The following ANGPT2 variants were observed in gnomAD, a reference collection of about 807,000 sequenced individuals.
ANGPT2 encodes angiopoietin 2, also known as angiopoietin-2.
In ANGPT2, 28 loss-of-function variants were observed where a neutral mutation model predicts 62.9. That is an observed-to-expected ratio of 0.44 (90% confidence interval 0.33 to 0.61). The LOEUF is 0.61. Among genes scored for constraint, ANGPT2 ranks in the 20% least tolerant of loss-of-function variants. ANGPT2 has a pLI of 0.03. For missense variants in ANGPT2, 727 were observed against 594.9 expected (o/e 1.22, Z -2.31); for synonymous variants, 284 against 207.8 (o/e 1.37, Z -3.15).
chr8:6,551,830 G>T (rs1217910849), intron 1 of ANGPT2, among the ~76,000 whole-genome samples: 1 of 152,134 alleles, frequency 6.6e-6, no homozygotes, highest in African/African-American at 2.4e-5. Flanking sequence ...ATACAATAAC[G>T]TACTTTCTCG....
intron 5 of ANGPT2, among the ~76,000 whole-genome samples, chr8:6,515,468 C>T (rs1272669954): frequency 2.0e-5 from 3 of 152,176 alleles, no homozygotes; most frequent in African/African-American, 7.2e-5. Context: ...GCTCACTGCC[C>T]ACAGTTTTTC....
chr8:6,523,659 A>G (rs1817778389), intron 3 of ANGPT2, among the ~76,000 whole-genome samples: 1 of 152,050 alleles, frequency 6.6e-6, no homozygotes, highest in Admixed American at 6.5e-5. Flanking sequence ...GCGCGATCTC[A>G]GCTCGCTGCA....
rs185700754 is a variant in ANGPT2, at chr8:6,500,513, T to C, written c.*2588A>G. The C allele has an allele frequency of 5.2e-5, 8 of 154,294 alleles. No individual in the cohort carries two copies. Among genetic ancestry groups the C allele is most frequent in the Admixed American group, 4.5e-4 (7 of 15,628 alleles). 9.6% of individuals were successfully genotyped at this position (154,294 alleles called of 1,614,324 possible). ...TGTCACAGTTTATTCATTCAAAAGA[T>C]TAATAGCTGAAAGATAAATGGTGAT... On this transcript the variant is annotated 3_prime_UTR_variant, in exon 9 of 9. Transcript: ENST00000629816.
rs191817175 is a variant in ANGPT2 at position 6,537,753 on chromosome 8, T to A, written c.289-5266A>T. ...TCACCAAGATTGTCATCATTATTTT[T>A]TATACCAAAAGAAAAGTAATCTTGA... is the stretch of plus-strand genomic sequence containing the variant. On this transcript the variant is annotated intron_variant, in intron 1 of 8. Transcript: ENST00000629816. Among the ~76,000 whole-genome samples, 288 of 152,240 alleles carry A rather than the reference T, an allele frequency of 1.9e-3. 3 individuals carry two copies. Among genetic ancestry groups the A allele is most frequent in the African/African-American group, 6.7e-3 (279 of 41,544 alleles).
intron 2 of ANGPT2, among the ~76,000 whole-genome samples, chr8:6,529,031 GT>G (rs1388156692): frequency 3.9e-4 from 60 of 152,322 alleles, no homozygotes; most frequent in African/African-American, 1.4e-3. Context: ...CTGGAAAATT[GT>G]GTCCTGTTTA....
Position 6,513,683 on chromosome 8 carries a change from A to G in ANGPT2, c.1191T>C (p.Asn397=). The change falls in exon 7 of 9, where the codon AAT becomes AAC. Residue 397 remains asparagine (N), a synonymous_variant. Coordinates refer to ENST00000629816, the MANE Select transcript of ANGPT2 (RefSeq NM_001118887.2). ...EHFYLSSEEL[N]YRIHLKGLTG... Reference sequence around the variant, plus strand: ...ATTACCATGAACTCACTTACCTATAATTGAGTTCTTCACTTGAGAGATAGA... The same window carrying G: ...ATTACCATGAACTCACTTACCTATAGTTGAGTTCTTCACTTGAGAGATAGA... The G allele has an allele frequency of 6.2e-7, 1 of 1,609,234 alleles. No individual in the cohort carries two copies. Among genetic ancestry groups the G allele is most frequent in the Non-Finnish European group, 8.5e-7 (1 of 1,178,564 alleles).
At chr8:6,561,832 G>T (rs1454925798) in intron 1 of ANGPT2, among the ~76,000 whole-genome samples, 1 of 152,072 alleles carries the variant, frequency 6.6e-6, no homozygotes, top group Non-Finnish European at 1.5e-5. Context: ...TCCTATTTTG[G>T]TTACGTCTCC....
intron 5 of ANGPT2, 106 bp from the exon 6 acceptor site, chr8:6,514,884 G>A: frequency 1.1e-6 from 1 of 884,194 alleles, no homozygotes; most frequent in Non-Finnish European, 1.8e-6. Context: ...CAGCCGAGAG[G>A]GTTCTCTGGG....
intron 1 of ANGPT2, among the ~76,000 whole-genome samples, chr8:6,541,438 A>G (rs1373239133): frequency 6.6e-6 from 1 of 152,110 alleles, no homozygotes; most frequent in East Asian, 1.9e-4. Context: ...GTGCTCTGAG[A>G]AAGACAATAT....
intron 1 of ANGPT2, among the ~76,000 whole-genome samples, chr8:6,562,095 G>A (rs991002425): frequency 5.3e-5 from 8 of 152,172 alleles, no homozygotes; most frequent in African/African-American, 1.9e-4. Context: ...GAAACATAAG[G>A]TCTGCTTTAT....
chr8:6,525,084 T>C (rs1818082188), intron 3 of ANGPT2, among the ~76,000 whole-genome samples: 1 of 152,250 alleles, frequency 6.6e-6, no homozygotes, highest in Admixed American at 6.5e-5. Context: ...TAAATCCACC[T>C]TTTTTTGACA....
chr8:6,521,124 G>C, intron 4 of ANGPT2, 54 bp downstream of exon 4: 1 of 1,466,350 alleles, frequency 6.8e-7, no homozygotes, highest in South Asian at 1.2e-5. Context: ...TCTTTTGAGT[G>C]TTTTACTGAC....
chr8:6,532,093 A>T (rs576200572), intron 2 of ANGPT2, among the ~76,000 whole-genome samples: 1 of 152,318 alleles, frequency 6.6e-6, no homozygotes, highest in East Asian at 1.9e-4. Flanking sequence ...AAAATGACTC[A>T]CATGTCTTCA....
Position 6,507,509 on chromosome 8 carries a change from G to A in ANGPT2, c.1327+1423C>T, listed in dbSNP as rs536617643. 3 of 151,292 alleles carry A rather than the reference G, an allele frequency of 2.0e-5. No homozygotes were observed. In the South Asian group the frequency reaches 6.3e-4, roughly 32 times the overall value. The allele number at this position is 151,292 out of a possible 1,614,324, so 9.4% of individuals were successfully genotyped here. ...TTTTTCTTGTCTCAGTCACTAAGTA[G>A]CGTTTGTTCCTGTCAGTGAATTTCT... On this transcript the variant is annotated intron_variant, in intron 8 of 8. Transcript: ENST00000629816.
intron 8 of ANGPT2, chr8:6,508,153 T>A (rs895079379): frequency 7.9e-5 from 12 of 152,216 alleles, no homozygotes; most frequent in African/African-American, 2.9e-4. Context: ...GAATCTTTTT[T>A]AAAAAGACAG....
intron 2 of ANGPT2, 126 bp from the exon 3 acceptor site, chr8:6,527,802 A>G (rs1051198593): frequency 5.5e-6 from 5 of 912,664 alleles, no homozygotes; most frequent in African/African-American, 5.1e-5. Context: ...TAACCCAAGT[A>G]TCTTATTTTG....
At chr8:6,506,280 C>T (rs1813712795) in intron 8 of ANGPT2, among the ~76,000 whole-genome samples, 1 of 151,920 alleles carries the variant, frequency 6.6e-6, no homozygotes, top group Non-Finnish European at 1.5e-5. Flanking sequence ...AATGGAGCTG[C>T]TCATTAGGCT....
chr8:6,540,991 G>T lies in ANGPT2; in HGVS notation c.289-8504C>A, dbSNP rs569887039. Among the ~76,000 whole-genome samples, 3 of 152,186 alleles carry T rather than the reference G, an allele frequency of 2.0e-5. No individual in the cohort carries two copies. The East Asian group carries it at 5.8e-4, about 30-fold the overall frequency. ...CCAGGGGGCAGGTGGAGCCTAGTGG[G>T]CATTCATGACCCAGGTTTTGGAGCT... On this transcript the variant is annotated intron_variant, in intron 1 of 8. Transcript: ENST00000629816.
rs116832859 is a variant in ANGPT2, at chr8:6,531,215, A to G, written c.444+1117T>C. ...GGTCACATGTTGTGCATCATTTAGC[A>G]TGTCTCTCGGTGAATTTTCTTCTTT... On this transcript the variant is annotated intron_variant, in intron 2 of 8. Coordinates refer to ENST00000629816, the MANE Select transcript of ANGPT2 (RefSeq NM_001118887.2). Among the ~76,000 whole-genome samples the G allele has an allele frequency of 5.0e-3, 727 of 145,808 alleles. 8 individuals carry two copies. The highest frequency in any genetic ancestry group is 0.016 in the African/African-American group (641 of 39,170).
Sources: allele counts gnomAD v4.1 joint callset (sites outside exome capture counted in the v4.1 genomes callset), GRCh38; gene constraint gnomAD v4.1.1; transcripts MANE v1.5; gene names NCBI Gene and HGNC (gene_info 2026-07-23, HGNC 2026-07-21).